PCNX1: variants seen among roughly 807,000 people sequenced by gnomAD.
PCNX1 encodes the protein pecanex 1, also known as pecanex-like protein 1.
A neutral mutation model predicts 242.2 loss-of-function variants in PCNX1; 78 were observed. The ratio of observed to expected loss-of-function variants is 0.32; its 90% CI spans 0.27 to 0.39. PCNX1 has a LOEUF of 0.39. Ranked by LOEUF, PCNX1 falls within the 10% of genes least tolerant of loss-of-function variation. PCNX1 has a pLI of 1.00. For synonymous variants in PCNX1, 1,024 were observed against 1,032.9 expected (o/e 0.99, Z 0.17); for missense variants, 2,581 against 2,856.5 (o/e 0.90, Z 2.20).
At chr14:71,034,816 T>C (rs964658479) in intron 18 of PCNX1, among the ~76,000 whole-genome samples, 3 of 152,212 alleles carry the variant, frequency 2.0e-5, no homozygotes, top group Non-Finnish European at 2.9e-5. Context: ...TTTCTAACTT[T>C]AGTTTCCATG....
chr14:70,908,359 T>G (rs2139964504), intron 1 of PCNX1, among the ~76,000 whole-genome samples: 1 of 152,124 alleles, frequency 6.6e-6, no homozygotes, highest in East Asian at 1.9e-4. Context: ...CCGAGCGCTC[T>G]GCGGCTTTAG....
At chr14:70,966,297 T>A (rs1210341568) in intron 3 of PCNX1, among the ~76,000 whole-genome samples, 1 of 152,220 alleles carries the variant, frequency 6.6e-6, no homozygotes, top group Non-Finnish European at 1.5e-5. Flanking sequence ...AAGAAATAGT[T>A]GTTTTTCACC....
At chr14:70,930,974 G>A (rs1016135420) in intron 1 of PCNX1, among the ~76,000 whole-genome samples, 1 of 151,952 alleles carries the variant, frequency 6.6e-6, no homozygotes, top group Non-Finnish European at 1.5e-5. Context: ...TGAGTCCTTT[G>A]GGGGGCAGCT....
At chr14:71,032,060 G>A in intron 16 of PCNX1, 1 of 702,098 alleles carries the variant, frequency 1.4e-6, no homozygotes, top group Admixed American at 2.1e-5. Context: ...AATAGACAAA[G>A]AAGAAGAGAG....
chr14:70,985,604 A>T (rs1595142131), intron 6 of PCNX1, among the ~76,000 whole-genome samples: 6 of 152,354 alleles, frequency 3.9e-5, no homozygotes, highest in Admixed American at 3.9e-4. Context: ...ACGTTAGAAA[A>T]AATACATTTC....
At chr14:71,088,456 G>T in intron 29 of PCNX1, 26 bp downstream of exon 29, 1 of 1,377,698 alleles carries the variant, frequency 7.3e-7, no homozygotes, top group Non-Finnish European at 1.0e-6. Flanking sequence ...CTGTTCTGAG[G>T]AAGAGAGCAT....
chr14:70,968,004 C>T (rs191676652), intron 3 of PCNX1, among the ~76,000 whole-genome samples, 194 bp from the exon 4 acceptor site: 11 of 152,268 alleles, frequency 7.2e-5, no homozygotes, highest in Admixed American at 4.6e-4. Flanking sequence ...GTAAGACACA[C>T]GCAGCCTGTG....
intron 30 of PCNX1, among the ~76,000 whole-genome samples, chr14:71,098,594 T>G (rs1440024258): frequency 6.6e-6 from 1 of 150,642 alleles, no homozygotes; most frequent in Admixed American, 6.6e-5. Context: ...ATTGCATTAT[T>G]GATTTGGTTT....
At position 70,977,387 on chromosome 14, in the gene PCNX1, T is replaced by C; in HGVS notation, c.1050T>C (p.Ser350=). 6.2e-7 allele frequency: 1 copy of C among 1,614,104 alleles called. No individual in the cohort carries two copies. The highest frequency in any genetic ancestry group is 8.5e-7 in the Non-Finnish European group (1 of 1,180,034). The part of the protein sequence containing the change: ...QLAGDLKINT[S]QPPTKSGKSK... ...CTGGTGACTTGAAAATCAATACTTC[T>C]CAGCCACCCACAAAAAGTGGGAAGA... is the stretch of plus-strand genomic sequence containing the variant. The change falls in exon 6 of 36, where the codon TCT becomes TCC. Residue 350 remains serine (S), a synonymous_variant. Transcript: ENST00000304743.
intron 5 of PCNX1, among the ~76,000 whole-genome samples, chr14:70,972,704 A>G (rs1047869295): frequency 2.6e-5 from 4 of 152,202 alleles, no homozygotes; most frequent in Non-Finnish European, 4.4e-5. Flanking sequence ...ATTTTGTCAC[A>G]TGATTCAGGA....
At position 71,111,981 on chromosome 14, in the gene PCNX1, G is replaced by T. The variant is rs553724210; in HGVS notation, c.*2046G>T. ...TTAGTGTTGTTTTTGGTTTTGGAGG[G>T]TTTTTTTCTGAAACTGAATTTATAA... On this transcript the variant is annotated 3_prime_UTR_variant, in exon 36 of 36. Coordinates refer to ENST00000304743, the MANE Select transcript of PCNX1 (RefSeq NM_014982.3). The T allele has an allele frequency of 2.0e-5, 3 of 152,502 alleles. No individual in the cohort carries two copies. Among genetic ancestry groups the T allele is most frequent in the African/African-American group, 4.8e-5 (2 of 41,516 alleles). 9.4% of individuals were successfully genotyped at this position (152,502 alleles called of 1,614,324 possible).
Position 71,110,141 on chromosome 14 carries a change from A to AT in PCNX1, c.*213dup. 1 of 627,384 alleles carries AT rather than the reference A, an allele frequency of 1.6e-6. No individual in the cohort carries two copies. 38.9% of individuals were successfully genotyped at this position (627,384 alleles called of 1,614,324 possible). ...CTCCATCCCCAAATAAAGCTGAAAT[A>AT]TTTTTTTAAGTTAGCTGCCGAGAAA... On this transcript the variant is annotated 3_prime_UTR_variant, in exon 36 of 36. Transcript: ENST00000304743.
intron 2 of PCNX1, among the ~76,000 whole-genome samples, chr14:70,961,373 C>T (rs1178689252): frequency 6.6e-6 from 1 of 152,200 alleles, no homozygotes; most frequent in Non-Finnish European, 1.5e-5. Context: ...ATATCTATAA[C>T]TCTCTGATCT....
At chr14:70,991,066 G>GT (rs2059149093) in intron 7 of PCNX1, among the ~76,000 whole-genome samples, 1 of 151,910 alleles carries the variant, frequency 6.6e-6, no homozygotes, top group Non-Finnish European at 1.5e-5. Flanking sequence ...AGACAAATTA[G>GT]TTTTTTGTCC....
At chr14:70,933,517 A>G (rs1177085039) in intron 1 of PCNX1, among the ~76,000 whole-genome samples, 1 of 152,220 alleles carries the variant, frequency 6.6e-6, no homozygotes, top group Non-Finnish European at 1.5e-5. Context: ...GTTTTATTGG[A>G]ACATAGCATG....
At chr14:70,910,055 T>TCCTCCCCCCCCCCCCCCC (rs1566808326) in intron 1 of PCNX1, among the ~76,000 whole-genome samples, 1 of 51,594 alleles carries the variant, frequency 1.9e-5, no homozygotes, top group Non-Finnish European at 3.9e-5. Context: ...CTCCTCCTCC[T>TCCTCCCCCCCCCCCCCCC]CCTCCTCCCC....
intron 30 of PCNX1, among the ~76,000 whole-genome samples, chr14:71,098,818 C>T (rs2062381015): frequency 6.6e-6 from 1 of 151,960 alleles, no homozygotes; most frequent in Admixed American, 6.6e-5. Flanking sequence ...ATTGCTGTGG[C>T]TAGGATTTCT....
chr14:70,935,002 G>GTGTT, intron 1 of PCNX1, among the ~76,000 whole-genome samples: 1 of 151,558 alleles, frequency 6.6e-6, no homozygotes, highest in Middle Eastern at 3.4e-3. Flanking sequence ...AGACCGGTGT[G>GTGTT]TATGCACTTT....
In PCNX1 at chr14:70,940,796, T is replaced by G. The variant is rs905688003; in HGVS notation, c.154-6119T>G. On this transcript the variant is annotated intron_variant, in intron 1 of 35. Transcript: ENST00000304743. ...ACATAGATTTGGTCTTTTCACATAGTCCCATATTTCTTGGAGGTTTTGTTC... is the reference window on the plus strand; with the variant it reads ...ACATAGATTTGGTCTTTTCACATAGGCCCATATTTCTTGGAGGTTTTGTTC... Among the ~76,000 whole-genome samples, 9 of 152,186 alleles carry G rather than the reference T, an allele frequency of 5.9e-5. 1 individual carries two copies. In the East Asian group the frequency reaches 1.5e-3, roughly 26 times the overall value.
Sources: gnomAD v4.1 joint callset for allele counts (sites outside exome capture counted in the v4.1 genomes callset) on GRCh38, gnomAD v4.1.1 for gene constraint, MANE v1.5 for transcripts, NCBI Gene and HGNC (gene_info 2026-07-23, HGNC 2026-07-21) for gene names.